PMP22: variants seen among roughly 807,000 people sequenced by gnomAD.
PMP22 encodes Charcot-Marie-Tooth neuropathy 1A (greatly reduced nerve conduction velocity, hereditary motor sensory neuropathy Ia).
Under a neutral mutation model 18.9 loss-of-function variants are expected in PMP22, and 2 were observed. The observed-to-expected ratio is 0.11, with a 90% confidence interval of 0.04 to 0.33. PMP22 has a LOEUF of 0.33. Among genes scored for constraint, PMP22 ranks in the 10% least tolerant of loss-of-function variants. The pLI is 1.00. For missense variants in PMP22, 169 were observed against 202.2 expected (o/e 0.84, Z 1.00); for synonymous variants, 95 against 89.2 (o/e 1.07, Z -0.37).
At chr17:15,255,386 C>G (rs932696268) in intron 3 of PMP22, among the ~76,000 whole-genome samples, 1 of 152,114 alleles carries the variant, frequency 6.6e-6, no homozygotes, top group Non-Finnish European at 1.5e-5. Context: ...CATTCTTCCC[C>G]ACCTCCTTTC....
At chr17:15,235,101 T>C in intron 4 of PMP22, 1 of 650,090 alleles carries the variant, frequency 1.5e-6, no homozygotes, top group Admixed American at 2.3e-5. Context: ...ATTACAGGCA[T>C]TCGCCACCAC....
chr17:15,245,164 T>C (rs1597615024), intron 3 of PMP22, among the ~76,000 whole-genome samples: 2 of 152,110 alleles, frequency 1.3e-5, no homozygotes, highest in African/African-American at 4.8e-5. Flanking sequence ...TGGTGCAAGA[T>C]TCAAGAGCTC....
At chr17:15,237,339 A>G (rs987633528) in intron 4 of PMP22, among the ~76,000 whole-genome samples, 3 of 152,218 alleles carry the variant, frequency 2.0e-5, no homozygotes, top group Admixed American at 6.5e-5. Flanking sequence ...GACATTGTTA[A>G]AGAACTTAAA....
intron 3 of PMP22, among the ~76,000 whole-genome samples, chr17:15,248,479 G>A (rs1185184794): frequency 6.6e-6 from 1 of 152,142 alleles, no homozygotes; most frequent in Non-Finnish European, 1.5e-5. Flanking sequence ...AGTTTGTCAG[G>A]GTCTAGTTCT....
chr17:15,231,185 T>C, intron 4 of PMP22, 105 bp from the exon 5 acceptor site: 1 of 1,128,036 alleles, frequency 8.9e-7, no homozygotes, highest in Non-Finnish European at 1.3e-6. Context: ...AGAACATTTC[T>C]ACCTCTGGAA....
chr17:15,260,360 C>A, intron 2 of PMP22: 1 of 462,808 alleles, frequency 2.2e-6, no homozygotes, highest in Non-Finnish European at 3.9e-6. Context: ...AAAAGTTAAA[C>A]AATCTTGTCA....
Position 15,258,974 on chromosome 17 carries a change from C to T in PMP22, c.178+120G>A. ...GGACTCATGGCTCCCTGTCACATCC[C>T]ACCCCACCCCAGCAACGACATTCTG... is the stretch of plus-strand genomic sequence containing the variant. On this transcript the variant is annotated intron_variant, in intron 3 of 4. Coordinates refer to ENST00000312280, the MANE Select transcript of PMP22 (RefSeq NM_000304.4). This position sits in a 1 kb window ranked among gnomAD's most constrained non-coding sequence, Gnocchi z 4.1. The T allele has an allele frequency of 7.7e-6, 6 of 775,992 alleles. No individual in the cohort carries two copies. The highest frequency in any genetic ancestry group is 1.1e-5 in the Non-Finnish European group (5 of 442,802). 48.1% of individuals were successfully genotyped at this position (775,992 alleles called of 1,614,324 possible). A position where few individuals can be genotyped will look rare whatever the true frequency, so the allele number is the denominator to read the frequency against.
At chr17:15,238,043 T>G (rs1173146036) in intron 4 of PMP22, among the ~76,000 whole-genome samples, 1 of 152,126 alleles carries the variant, frequency 6.6e-6, no homozygotes, top group Admixed American at 6.5e-5. Context: ...TTGTTTTTAT[T>G]CCAACTGAAA....
chr17:15,240,032 G>C (rs1237760927), intron 3 of PMP22, among the ~76,000 whole-genome samples: 1 of 152,144 alleles, frequency 6.6e-6, no homozygotes, highest in Non-Finnish European at 1.5e-5. Context: ...TCAGGGAAGG[G>C]CTGTAAAAAA....
At chr17:15,263,033 C>G (rs952999698) in intron 1 of PMP22, among the ~76,000 whole-genome samples, 4 of 152,210 alleles carry the variant, frequency 2.6e-5, no homozygotes, top group African/African-American at 7.2e-5. Context: ...CCTGGAGCCC[C>G]TGCCCTGTCC....
At chr17:15,247,671 A>G (rs894160192) in intron 3 of PMP22, among the ~76,000 whole-genome samples, 4 of 152,182 alleles carry the variant, frequency 2.6e-5, no homozygotes, top group Non-Finnish European at 5.9e-5. Context: ...GCACTTTTCA[A>G]TGTAACAGTT....
intron 4 of PMP22, among the ~76,000 whole-genome samples, chr17:15,234,535 C>T (rs1160429130): frequency 6.6e-6 from 1 of 152,110 alleles, no homozygotes; most frequent in African/African-American, 2.4e-5. Context: ...CAAGGGAGGG[C>T]AGGAAGGGGC....
At chr17:15,262,185 A>T (rs1909398035) in intron 1 of PMP22, among the ~76,000 whole-genome samples, 1 of 152,294 alleles carries the variant, frequency 6.6e-6, no homozygotes, top group Non-Finnish European at 1.5e-5. Context: ...CTTATCCGCT[A>T]TCCAGACACC....
At chr17:15,254,459 C>A (rs1443666053) in intron 3 of PMP22, among the ~76,000 whole-genome samples, 2 of 152,172 alleles carry the variant, frequency 1.3e-5, no homozygotes, top group Non-Finnish European at 2.9e-5. Context: ...TCAAGGCAGA[C>A]TCTAGATGTT....
intron 1 of PMP22, 86 bp from the exon 2 acceptor site, chr17:15,260,847 G>T (rs976173700): frequency 4.2e-5 from 40 of 956,014 alleles, no homozygotes; most frequent in African/African-American, 4.9e-5. Context: ...GCGCACTAGC[G>T]GAAGGCCCGG....
At chr17:15,263,443 C>T (rs1217657101) in intron 1 of PMP22, among the ~76,000 whole-genome samples, 1 of 152,104 alleles carries the variant, frequency 6.6e-6, no homozygotes, top group Non-Finnish European at 1.5e-5. Context: ...GAGAGGCTAG[C>T]CCCCTTCAGT....
intron 3 of PMP22, among the ~76,000 whole-genome samples, chr17:15,244,939 T>C (rs230915): frequency 0.34 from 51,554 of 152,088 alleles, 9,578 homozygotes; most frequent in Middle Eastern, 0.44. Flanking sequence ...TAAAAACAGA[T>C]GCAGCACTCT....
chr17:15,264,259 G>GATAC (rs1567722091), intron 1 of PMP22, among the ~76,000 whole-genome samples: 3 of 150,892 alleles, frequency 2.0e-5, no homozygotes, highest in African/African-American at 4.9e-5. Flanking sequence ...GATAGATATA[G>GATAC]ATAGATAGAT....
intron 4 of PMP22, among the ~76,000 whole-genome samples, chr17:15,235,729 A>G (rs917303378): frequency 6.6e-6 from 1 of 151,882 alleles, no homozygotes; most frequent in African/African-American, 2.4e-5. Flanking sequence ...CAGGGATGAG[A>G]CCTGAATACT....
Sources: allele counts gnomAD v4.1 joint callset (sites outside exome capture counted in the v4.1 genomes callset), GRCh38; gene constraint gnomAD v4.1.1; non-coding constraint Gnocchi (gnomAD v3.1); transcripts MANE v1.5; gene names NCBI Gene and HGNC (gene_info 2026-07-23, HGNC 2026-07-21).